The following PADI4 variants were observed in gnomAD, a reference collection of about 807,000 sequenced individuals.
PADI4 encodes the protein protein-arginine deiminase type-4.
In PADI4, 62 loss-of-function variants were observed where a neutral mutation model predicts 75.0. The ratio of observed to expected loss-of-function variants is 0.83; its 90% CI spans 0.67 to 1.02. The LOEUF is 1.02. Among genes scored for constraint, PADI4 ranks in the 50% least tolerant of loss-of-function variants. The pLI is 0.00. For synonymous variants in PADI4, 361 were observed against 348.1 expected (o/e 1.04, Z -0.41); for missense variants, 845 against 850.5 (o/e 0.99, Z 0.08).
At chr1:17,337,772 A>G (rs1422254505) in intron 4 of PADI4, among the ~76,000 whole-genome samples, 1 of 151,990 alleles carries the variant, frequency 6.6e-6, no homozygotes, top group African/African-American at 2.4e-5. Flanking sequence ...AAAATTAGCC[A>G]GGTGTGGTGG....
chr1:17,351,985 G>GTGGT (rs71014939), intron 10 of PADI4, among the ~76,000 whole-genome samples: 1 of 57,102 alleles, frequency 1.8e-5, no homozygotes, highest in African/African-American at 8.2e-5. Flanking sequence ...GTGATGGGAG[G>GTGGT]AGAGGCAGTC....
In PADI4 at chr1:17,352,139, A is replaced by G. The variant is rs926734573; in HGVS notation, c.1156-2394A>G. The stretch of plus-strand genomic sequence containing the variant: ...TGTGGTCAGAGAGGTGATGGGAGGC[A>G]GTAGGAGAGGCAATCAGGGAGGTGA... On this transcript the variant is annotated intron_variant, in intron 10 of 15. Transcript: ENST00000375448. 2.5e-3 allele frequency among the ~76,000 whole-genome samples: 326 copies of G among 130,892 alleles called. 1 individual carries two copies. Among genetic ancestry groups the G allele is most frequent in the African/African-American group, 8.9e-3 (285 of 31,922 alleles). 85.9% of individuals were successfully genotyped at this position (130,892 alleles called of 152,430 possible). A position where few individuals can be genotyped will look rare whatever the true frequency, so the allele number is the denominator to read the frequency against.
chr1:17,333,999 C>T lies in PADI4; in HGVS notation c.330C>T (p.Leu110=), dbSNP rs895144970. 9 of 1,609,182 alleles carry T rather than the reference C, an allele frequency of 5.6e-6. No homozygotes were observed. The highest frequency in any genetic ancestry group is 1.3e-5 in the African/African-American group (1 of 74,816). The change falls in exon 3 of 16, where the codon CTC becomes CTT. Residue 110 remains leucine (L), a synonymous_variant. Coordinates refer to ENST00000375448, the MANE Select transcript of PADI4 (RefSeq NM_012387.3). ...CACCAGTCAAAGCTCTACTCTACCT[C>T]ACCGGGGTGGGTAAGTGACAACCAG... is the stretch of plus-strand genomic sequence containing the variant. ...KTPPVKALLY[L]TGVEISLCAD...
intron 3 of PADI4, chr1:17,334,239 T>G (rs547031786): frequency 1.9e-6 from 1 of 540,192 alleles, no homozygotes; most frequent in African/African-American, 1.9e-5. Context: ...ATTTTAATTA[T>G]ATCTTAACAT....
intron 1 of PADI4, among the ~76,000 whole-genome samples, chr1:17,310,583 C>T (rs1416530500): frequency 2.0e-5 from 3 of 152,040 alleles, no homozygotes; most frequent in African/African-American, 7.3e-5. Flanking sequence ...CAAGATTGGG[C>T]TAGTGCACTC....
At position 17,344,714 on chromosome 1, in the gene PADI4, C is replaced by A. The variant is rs544676305; in HGVS notation, c.936-1314C>A. Reference sequence around the variant, plus strand: ...TTGGCAGCTTCCACATGGTGTTGAGCCTGCAAGTGCACAGAAGTCAAGAAT... The same window carrying A: ...TTGGCAGCTTCCACATGGTGTTGAGACTGCAAGTGCACAGAAGTCAAGAAT... On this transcript the variant is annotated intron_variant, in intron 8 of 15. Coordinates refer to ENST00000375448, the MANE Select transcript of PADI4 (RefSeq NM_012387.3). 2.6e-5 allele frequency among the ~76,000 whole-genome samples: 4 copies of A among 152,338 alleles called. No individual in the cohort carries two copies. In the East Asian group the frequency reaches 7.7e-4, roughly 29 times the overall value.
Position 17,325,304 on chromosome 1 carries a change from A to G in PADI4, c.93-5665A>G, listed in dbSNP as rs145120528. The stretch of plus-strand genomic sequence containing the variant: ...TATTTTCTTCATAAAAATCTTACAC[A>G]TTTTGCTAGATTTATCCTAGGTACT... On this transcript the variant is annotated intron_variant, in intron 1 of 15. Transcript: ENST00000375448. Among the ~76,000 whole-genome samples, 19 of 152,228 alleles carry G rather than the reference A, an allele frequency of 1.2e-4. No homozygotes were observed. In the East Asian group the frequency reaches 3.1e-3, roughly 25 times the overall value.
At chr1:17,354,834 G>A (rs2100242066) in intron 11 of PADI4, 147 bp downstream of exon 11, 2 of 773,714 alleles carry the variant, frequency 2.6e-6, no homozygotes, top group Non-Finnish European at 4.0e-6. Context: ...CAAGCGCAGG[G>A]TGAGGAATGC....
At chr1:17,349,071 C>T (rs529236954) in intron 10 of PADI4, among the ~76,000 whole-genome samples, 5 of 152,318 alleles carry the variant, frequency 3.3e-5, no homozygotes, top group South Asian at 4.1e-4. Flanking sequence ...CCAAGCTGTG[C>T]GCTGAGCAGT....
chr1:17,354,661 T>C lies in PADI4; in HGVS notation c.1284T>C (p.Ile428=). ...VRGKEYPLGR[I]LFGDSCYPSN... is the part of the protein sequence containing the mutation. ...GCAAGGAATACCCGCTGGGCAGGAT[T>C]CTCTTCGGGGACAGCTGTTATCCCA... is the stretch of plus-strand genomic sequence containing the variant. The change falls in exon 11 of 16, where the codon ATT becomes ATC. Residue 428 remains isoleucine, a synonymous_variant. Transcript: ENST00000375448. 1 of 1,612,174 alleles carries C rather than the reference T, an allele frequency of 6.2e-7. No individual in the cohort carries two copies. The highest frequency in any genetic ancestry group is 8.5e-7 in the Non-Finnish European group (1 of 1,178,968).
intron 1 of PADI4, among the ~76,000 whole-genome samples, chr1:17,314,089 GC>G (rs1382267342): frequency 1.3e-5 from 2 of 152,160 alleles, no homozygotes; most frequent in Non-Finnish European, 2.9e-5. Flanking sequence ...ACCCGTTTGT[GC>G]CCTTCTCCCT....
rs766526996 is a variant in PADI4, at chr1:17,342,439, A to G, written c.935+37A>G. 7.1e-6 allele frequency: 9 copies of G among 1,267,404 alleles called. 1 individual carries two copies. In the South Asian group the frequency reaches 9.6e-5, roughly 14 times the overall value. 78.5% of individuals were successfully genotyped at this position (1,267,404 alleles called of 1,614,324 possible). On this transcript the variant is annotated intron_variant, in intron 8 of 15. Coordinates refer to ENST00000375448, the MANE Select transcript of PADI4 (RefSeq NM_012387.3). Reference sequence around the variant, plus strand: ...TGGGGTGCTGGGGTGGGTCCAGACAACAAAGAGCCTGAGTTCCATCCGCAG... The same window carrying G: ...TGGGGTGCTGGGGTGGGTCCAGACAGCAAAGAGCCTGAGTTCCATCCGCAG...
chr1:17,330,606 T>C (rs1361650740), intron 1 of PADI4, among the ~76,000 whole-genome samples: 2 of 152,056 alleles, frequency 1.3e-5, no homozygotes, highest in Non-Finnish European at 2.9e-5. Context: ...TGGAGTCTAG[T>C]GTCTAAGGGC....
At chr1:17,353,373 G>C (rs1263340269) in intron 10 of PADI4, among the ~76,000 whole-genome samples, 2 of 152,068 alleles carry the variant, frequency 1.3e-5, no homozygotes, top group African/African-American at 2.4e-5. Flanking sequence ...CGGCTGAGAC[G>C]GGACCGTGAT....
intron 1 of PADI4, among the ~76,000 whole-genome samples, 197 bp downstream of exon 1, chr1:17,308,511 T>C (rs1388161760): frequency 6.6e-6 from 1 of 152,152 alleles, no homozygotes; most frequent in Non-Finnish European, 1.5e-5. Flanking sequence ...TTCTTTGCCA[T>C]GTACAAGTGC....
intron 10 of PADI4, among the ~76,000 whole-genome samples, chr1:17,352,617 GA>G (rs2074684828): frequency 6.6e-6 from 1 of 152,174 alleles, no homozygotes; most frequent in Non-Finnish European, 1.5e-5. Flanking sequence ...CCCGCTATGA[GA>G]GAGGCAAGCC....
intron 11 of PADI4, among the ~76,000 whole-genome samples, chr1:17,355,683 C>T (rs1006896981): frequency 6.6e-6 from 1 of 152,206 alleles, no homozygotes; most frequent in East Asian, 1.9e-4. Context: ...CAGACTGGCT[C>T]TAAGCCCCAT....
At position 17,338,155 on chromosome 1, in the gene PADI4, G is replaced by C; in HGVS notation, c.526G>C (p.Asp176His). Residue 176 changes from aspartate (D) to histidine (H), a missense_variant and splice_region_variant, in exon 5 of 16, where the codon GAC becomes CAC. By Grantham distance (81) the Asp-to-His change is moderately conservative. Coordinates refer to ENST00000375448, the MANE Select transcript of PADI4 (RefSeq NM_012387.3). ...CEDDEVLDSE[D>H]LQDMSLMTLS... ...GGATGATGAAGTGCTTGACAGCGAAGGTAAAGAGCATTTGCTAGCTAACGG... is the reference window on the plus strand; with the variant it reads ...GGATGATGAAGTGCTTGACAGCGAACGTAAAGAGCATTTGCTAGCTAACGG... 6.3e-7 allele frequency: 1 copy of C among 1,592,352 alleles called. No homozygotes were observed. The highest frequency in any genetic ancestry group is 1.1e-5 in the South Asian group (1 of 90,632).
chr1:17,361,417 G>A (rs2074846423), intron 15 of PADI4, among the ~76,000 whole-genome samples: 2 of 152,360 alleles, frequency 1.3e-5, no homozygotes, highest in South Asian at 4.1e-4. Context: ...TCCCCAGAGG[G>A]AGTCTGAGCA....
Sources: allele counts gnomAD v4.1 joint callset (sites outside exome capture counted in the v4.1 genomes callset), GRCh38; gene constraint gnomAD v4.1.1; transcripts MANE v1.5; gene names NCBI Gene and HGNC (gene_info 2026-07-23, HGNC 2026-07-21).